Variants in HTR6 observed in about 807,000 individuals in gnomAD.
HTR6 encodes the protein 5-hydroxytryptamine receptor 6.
HTR6 carries 15 observed loss-of-function variants against 17.4 expected under a neutral mutation model. That is an observed-to-expected ratio of 0.86 (90% confidence interval 0.58 to 1.33). The LOEUF is 1.33. Ranked by LOEUF, HTR6 falls within the 40% of genes most tolerant of loss-of-function variation. The pLI is 0.00. For synonymous variants in HTR6, 326 were observed against 295.5 expected, an observed-to-expected ratio of 1.10 and a Z score of -1.06; for missense variants, 578 against 616.0, an observed-to-expected ratio of 0.94 and a Z score of 0.65.
Position 19,666,156 on chromosome 1 carries a change from A to C in HTR6, c.403A>C (p.Lys135Gln). Residue 135 changes from lysine (K) to glutamine (Q), a missense_variant, in exon 1 of 3, where the codon AAG becomes CAG. By Grantham distance (53) the Lys-to-Gln change is moderately conservative. Coordinates refer to ENST00000289753, the MANE Select transcript of HTR6 (RefSeq NM_000871.3). The surrounding 1 kb of genome is among the most constrained non-coding windows in gnomAD (Gnocchi z 4.5). ...YLLILSPLRY[K>Q]LRMTPLRALA... Reference sequence around the variant, plus strand: ...GCTCATCCTCTCGCCGCTGCGCTACAAGCTGCGCATGACGCCCCTGCGTGC... The same window carrying C: ...GCTCATCCTCTCGCCGCTGCGCTACCAGCTGCGCATGACGCCCCTGCGTGC... 5 of 1,611,654 alleles carry C rather than the reference A, an allele frequency of 3.1e-6. No individual in the cohort carries two copies. The highest frequency in any genetic ancestry group is 4.2e-6 in the Non-Finnish European group (5 of 1,179,874).
intron 1 of HTR6, among the ~76,000 whole-genome samples, chr1:19,670,973 A>T (rs1447153017): frequency 2.0e-5 from 3 of 151,942 alleles, no homozygotes; most frequent in Non-Finnish European, 4.4e-5. Context: ...GTGTGAATTC[A>T]TTTGCTTGGT....
At chr1:19,678,487 T>A in intron 1 of HTR6, 80 bp from the exon 2 acceptor site, 1 of 1,539,644 alleles carries the variant, frequency 6.5e-7, no homozygotes, top group Admixed American at 1.7e-5. Context: ...AGAATTAGGA[T>A]TGAAGCTCAG....
Position 19,679,076 on chromosome 1 carries a change from G to A in HTR6, c.1031G>A (p.Arg344His), listed in dbSNP as rs916112642. The A allele has an allele frequency of 7.4e-6, 12 of 1,613,698 alleles. No individual in the cohort carries two copies. Among genetic ancestry groups the A allele is most frequent in the Middle Eastern group, 1.6e-4 (1 of 6,084 alleles). ...FLPCPRCPRE[R>H]QASLASPSLR... ...CCATGTCCACGCTGTCCCCGGGAGCGCCAGGCCAGCCTGGCCTCGCCATCA... is the reference window on the plus strand; with the variant it reads ...CCATGTCCACGCTGTCCCCGGGAGCACCAGGCCAGCCTGGCCTCGCCATCA... The change falls in exon 3 of 3, where the codon CGC (arginine) becomes CAC (histidine). Residue 344 changes from arginine to histidine, a missense_variant. Arg to His is a conservative substitution (Grantham distance 29, BLOSUM62 0). Coordinates refer to ENST00000289753, the MANE Select transcript of HTR6 (RefSeq NM_000871.3). This position sits in a 1 kb window ranked among gnomAD's most constrained non-coding sequence, Gnocchi z 4.9.
chr1:19,676,703 C>A (rs1181587946), intron 1 of HTR6, among the ~76,000 whole-genome samples: 1 of 152,220 alleles, frequency 6.6e-6, no homozygotes, highest in African/African-American at 2.4e-5. Flanking sequence ...GGAGTTGACA[C>A]ATCTTGGCTT....
chr1:19,670,467 CTT>C (rs34145209), intron 1 of HTR6, among the ~76,000 whole-genome samples: 27 of 137,592 alleles, frequency 2.0e-4, no homozygotes, highest in Non-Finnish European at 2.3e-4. Context: ...GTTTTTCTGC[CTT>C]TTTTTTTTTT....
chr1:19,668,459 T>C (rs1461324325), intron 1 of HTR6, among the ~76,000 whole-genome samples: 1 of 152,054 alleles, frequency 6.6e-6, no homozygotes, highest in Non-Finnish European at 1.5e-5. Context: ...AGTGCTAGGG[T>C]TACAGGCTTC....
intron 1 of HTR6, among the ~76,000 whole-genome samples, chr1:19,668,456 G>A (rs1165412859): frequency 6.6e-6 from 1 of 152,112 alleles, no homozygotes; most frequent in Non-Finnish European, 1.5e-5. Context: ...CAAAGTGCTA[G>A]GGTTACAGGC....
Position 19,665,832 on chromosome 1 carries a change from G to T in HTR6, c.79G>T (p.Gly27Cys), listed in dbSNP as rs772759671. 1.3e-6 allele frequency: 2 copies of T among 1,564,282 alleles called. No homozygotes were observed. The highest frequency in any genetic ancestry group is 2.3e-5 in the South Asian group (2 of 85,502). Residue 27 changes from glycine (G) to cysteine (C), a missense_variant, in exon 1 of 3, where the codon GGC (glycine) becomes TGC (cysteine). Gly to Cys is a radical substitution (Grantham distance 159). Transcript: ENST00000289753. This position sits in a 1 kb window ranked among gnomAD's most constrained non-coding sequence, Gnocchi z 4.2. ...GCCGCCGTCGGCCCCGGGGGGCAGC[G>T]GCTGGGTGGCGGCCGCGCTGTGCGT... ...AGPPSAPGGS[G>C]WVAAALCVVI...
rs144883263 is a variant in HTR6, at chr1:19,671,044, C to T, written c.714+4577C>T. Among the ~76,000 whole-genome samples the T allele has an allele frequency of 2.9e-4, 44 of 152,176 alleles. No individual in the cohort carries two copies. The Middle Eastern group carries it at 0.01, about 35-fold the overall frequency. ...TCTAGGCTGTGTATGTAGTGGTGAACGAGACCAACAGTGCCTGCCCTCTTG... is the reference window on the plus strand; with the variant it reads ...TCTAGGCTGTGTATGTAGTGGTGAATGAGACCAACAGTGCCTGCCCTCTTG... On this transcript the variant is annotated intron_variant, in intron 1 of 2. Transcript: ENST00000289753.
At chr1:19,672,405 TCC>T (rs2095089286) in intron 1 of HTR6, among the ~76,000 whole-genome samples, 1 of 100,380 alleles carries the variant, frequency 1.0e-5, no homozygotes, top group Non-Finnish European at 2.7e-5. Context: ...CTGTCTTTCC[TCC>T]TCCTCAGAGG....
At position 19,678,566 on chromosome 1, in the gene HTR6, G is replaced by A; in HGVS notation, c.715-1G>A. 6.2e-7 allele frequency: 1 copy of A among 1,612,406 alleles called. No homozygotes were observed. The highest frequency in any genetic ancestry group is 8.5e-7 in the Non-Finnish European group (1 of 1,179,936). The stretch of plus-strand genomic sequence containing the variant: ...GACTCATGTGGCCTTCCTTTCCGCA[G>A]GTGCCCAGGACCCCACGCCCAGGGG... On this transcript the variant is annotated splice_acceptor_variant, in intron 1 of 2. Transcript: ENST00000289753. LOFTEE classifies it high-confidence loss of function.
In HTR6 at chr1:19,665,701, T is replaced by C; in HGVS notation, c.-53T>C. The C allele has an allele frequency of 8.2e-7, 1 of 1,219,770 alleles. No individual in the cohort carries two copies. Among genetic ancestry groups the C allele is most frequent in the Non-Finnish European group, 1.1e-6 (1 of 892,802 alleles). 75.6% of individuals were successfully genotyped at this position (1,219,770 alleles called of 1,614,324 possible). On this transcript the variant is annotated 5_prime_UTR_variant, in exon 1 of 3. Coordinates refer to ENST00000289753, the MANE Select transcript of HTR6 (RefSeq NM_000871.3). The surrounding 1 kb of genome is among the most constrained non-coding windows in gnomAD (Gnocchi z 4.2). ...TCCAGCCTGCGCTTCGCCGGGGCCC[T>C]CATCTGCTTTCCCGCCACCCTATCA...
At chr1:19,670,300 C>T (rs1199205984) in intron 1 of HTR6, among the ~76,000 whole-genome samples, 1 of 151,778 alleles carries the variant, frequency 6.6e-6, no homozygotes, top group Non-Finnish European at 1.5e-5. Flanking sequence ...AGAGTAGCAC[C>T]TCTCACCCTC....
At chr1:19,675,290 T>TG (rs1349282785) in intron 1 of HTR6, among the ~76,000 whole-genome samples, 1 of 152,184 alleles carries the variant, frequency 6.6e-6, no homozygotes, top group Admixed American at 6.5e-5. Context: ...AAAGACTGAA[T>TG]GACCTAATGA....
In HTR6 at chr1:19,680,318, C is replaced by A. The variant is rs754585160; in HGVS notation, c.*950C>A. Among the ~76,000 whole-genome samples the A allele has an allele frequency of 6.6e-6, 1 of 152,354 alleles. No individual in the cohort carries two copies. The highest frequency in any genetic ancestry group is 6.5e-5 in the Admixed American group (1 of 15,304). On this transcript the variant is annotated 3_prime_UTR_variant, in exon 3 of 3. Coordinates refer to ENST00000289753, the MANE Select transcript of HTR6 (RefSeq NM_000871.3). ...TTGTTCTCTTTCCATTTGCCTCCCC[C>A]TCTTCAGCCCTGGCCTAGCCTCCCA...
rs780415156 is a variant in HTR6 at position 19,665,886 on chromosome 1, T to A, written c.133T>A (p.Ser45Thr). Reference protein sequence around the residue: ...VVIALTAAANSLLIALICTQP... With the variant: ...VVIALTAAANTLLIALICTQP... ...CATCGCGCTGACGGCGGCGGCCAAC[T>A]CGCTGCTGATCGCGCTCATCTGCAC... Residue 45 changes from serine to threonine, a missense_variant, in exon 1 of 3, where the codon TCG (serine) becomes ACG (threonine). Ser to Thr is a moderately conservative substitution (Grantham distance 58). Coordinates refer to ENST00000289753, the MANE Select transcript of HTR6 (RefSeq NM_000871.3). This position sits in a 1 kb window ranked among gnomAD's most constrained non-coding sequence, Gnocchi z 4.2. 1.2e-6 allele frequency: 2 copies of A among 1,609,116 alleles called. No individual in the cohort carries two copies. Among genetic ancestry groups the A allele is most frequent in the South Asian group, 2.2e-5 (2 of 90,578 alleles).
rs149152488 is a variant in HTR6, at chr1:19,679,035, G to A, written c.990G>A (p.Ala330=). ...YPLFMRDFKR[A]LGRFLPCPRC... Reference sequence around the variant, plus strand: ...TCTTCATGCGGGACTTCAAGCGGGCGCTGGGCAGGTTCCTGCCATGTCCAC... The same window carrying A: ...TCTTCATGCGGGACTTCAAGCGGGCACTGGGCAGGTTCCTGCCATGTCCAC... The change falls in exon 3 of 3, where the codon GCG becomes GCA. Residue 330 remains alanine (A), a synonymous_variant. Transcript: ENST00000289753. This position sits in a 1 kb window ranked among gnomAD's most constrained non-coding sequence, Gnocchi z 4.9. The A allele has an allele frequency of 1.7e-4, 269 of 1,614,110 alleles. No homozygotes were observed. The highest frequency in any genetic ancestry group is 3.8e-4 in the East Asian group (17 of 44,878).
chr1:19,674,406 C>CTT lies in HTR6; in HGVS notation c.715-4144_715-4143dup, dbSNP rs34322917. On this transcript the variant is annotated intron_variant, in intron 1 of 2. Transcript: ENST00000289753. ...CGTGGTTTATTTAAGCCACTCTTCT[C>CTT]TTTTTTTTTTTTTTTTTTGAGACAA... Among the ~76,000 whole-genome samples the CTT allele has an allele frequency of 8.5e-3, 1,094 of 129,328 alleles. 25 individuals carry two copies. Among genetic ancestry groups the CTT allele is most frequent in the Middle Eastern group, 0.025 (6 of 236 alleles). The allele number at this position is 129,328 out of a possible 152,430, so 84.8% of individuals were successfully genotyped here.
At position 19,666,246 on chromosome 1, in the gene HTR6, G is replaced by T; in HGVS notation, c.493G>T (p.Gly165Cys). The change falls in exon 1 of 3, where the codon GGC becomes TGC. Residue 165 changes from glycine (G) to cysteine (C), a missense_variant. Transcript: ENST00000289753. The surrounding 1 kb of genome is among the most constrained non-coding windows in gnomAD (Gnocchi z 4.5). ...ALASFLPLLL[G>C]WHELGHARPP... Reference sequence around the variant, plus strand: ...CGCCTCCTTCCTGCCCCTGCTGCTGGGCTGGCACGAGCTGGGCCACGCACG... The same window carrying T: ...CGCCTCCTTCCTGCCCCTGCTGCTGTGCTGGCACGAGCTGGGCCACGCACG... 1 of 1,609,242 alleles carries T rather than the reference G, an allele frequency of 6.2e-7. No homozygotes were observed.
Sources: gnomAD v4.1 joint callset for allele counts (sites outside exome capture counted in the v4.1 genomes callset) on GRCh38, gnomAD v4.1.1 for gene constraint, Gnocchi (gnomAD v3.1) non-coding constraint, MANE v1.5 for transcripts, NCBI Gene and HGNC (gene_info 2026-07-23, HGNC 2026-07-21) for gene names.